The following RPS6KC1 variants were observed in gnomAD, a reference collection of about 807,000 sequenced individuals.
The protein encoded by RPS6KC1 is ribosomal protein S6 kinase C1.
In RPS6KC1, 54 loss-of-function variants were observed where a neutral mutation model predicts 103.8. The ratio of observed to expected loss-of-function variants is 0.52; its 90% CI spans 0.42 to 0.65. The LOEUF (loss-of-function observed/expected upper bound fraction) is 0.65, where lower values mean the gene tolerates loss of function less well. Among genes scored for constraint, RPS6KC1 ranks in the 30% least tolerant of loss-of-function variants. The pLI is 0.00. For missense variants in RPS6KC1, 1,151 were observed against 1,253.8 expected (o/e 0.92, Z 1.24); for synonymous variants, 439 against 438.7 (o/e 1.00, Z -0.01).
the RPS6KC1 span, among the ~76,000 whole-genome samples, chr1:213,289,692 C>T: frequency 1.3e-5 from 2 of 152,176 alleles, no homozygotes; most frequent in Non-Finnish European, 2.9e-5. Flanking sequence ...CTTCTATCTA[C>T]TCTATGAGGA....
the RPS6KC1 span, among the ~76,000 whole-genome samples, chr1:213,738,654 C>T: frequency 6.6e-6 from 1 of 151,656 alleles, no homozygotes. Context: ...AGCTGATGCA[C>T]AACAGAAATA....
chr1:213,587,675 T>C, the RPS6KC1 span, among the ~76,000 whole-genome samples: 2 of 152,204 alleles, frequency 1.3e-5, no homozygotes, highest in East Asian at 1.9e-4. Flanking sequence ...TATTCAAACA[T>C]TGGAATAAGG....
the RPS6KC1 span, among the ~76,000 whole-genome samples, chr1:213,856,404 T>C: frequency 6.6e-6 from 1 of 152,094 alleles, no homozygotes; most frequent in African/African-American, 2.4e-5. Flanking sequence ...ATTAGTTTCA[T>C]ATATTTTCTT....
chr1:213,136,357 C>T (rs545806226), intron 6 of RPS6KC1, among the ~76,000 whole-genome samples: 1 of 152,094 alleles, frequency 6.6e-6, no homozygotes, highest in South Asian at 2.1e-4. Flanking sequence ...TTGGTCATCC[C>T]TGGGAAGGTG....
the RPS6KC1 span, among the ~76,000 whole-genome samples, chr1:213,706,253 T>G: frequency 6.6e-6 from 1 of 152,176 alleles, no homozygotes; most frequent in Non-Finnish European, 1.5e-5. Context: ...TTGCAGAACT[T>G]AAGTTCTGAT....
At chr1:213,172,377 T>A (rs561418115) in intron 7 of RPS6KC1, among the ~76,000 whole-genome samples, 1 of 152,264 alleles carries the variant, frequency 6.6e-6, no homozygotes, top group Admixed American at 6.5e-5. Flanking sequence ...GTGGATCACT[T>A]GAGGCCAGGC....
chr1:213,526,882 T>C, the RPS6KC1 span, among the ~76,000 whole-genome samples: 1 of 152,216 alleles, frequency 6.6e-6, no homozygotes, highest in African/African-American at 2.4e-5. Flanking sequence ...TTTAAAACAA[T>C]ACTCCAGATT....
At chr1:213,760,230 G>A in the RPS6KC1 span, among the ~76,000 whole-genome samples, 2 of 152,122 alleles carry the variant, frequency 1.3e-5, no homozygotes, top group Non-Finnish European at 2.9e-5. Context: ...AATAACTCAG[G>A]AAGAAATCAC....
the RPS6KC1 span, among the ~76,000 whole-genome samples, chr1:213,410,834 T>TA: frequency 7.8e-6 from 1 of 128,972 alleles, no homozygotes; most frequent in Admixed American, 7.4e-5. Context: ...TTTTTTTTTT[T>TA]AAAAAAGGGA....
At chr1:213,741,170 T>C in the RPS6KC1 span, among the ~76,000 whole-genome samples, 96 of 151,592 alleles carry the variant, frequency 6.3e-4, no homozygotes, top group South Asian at 5.0e-3. Flanking sequence ...ACGTGGTGTT[T>C]TGCTATATGT....
intron 2 of RPS6KC1, among the ~76,000 whole-genome samples, chr1:213,076,187 C>T (rs867739845): frequency 6.6e-6 from 1 of 152,126 alleles, no homozygotes; most frequent in Admixed American, 6.5e-5. Context: ...CAGGGAACAT[C>T]AGGAGGAACA....
chr1:213,353,561 G>A, the RPS6KC1 span, among the ~76,000 whole-genome samples: 4 of 152,176 alleles, frequency 2.6e-5, no homozygotes, highest in African/African-American at 9.7e-5. Context: ...TGGGTCCAAG[G>A]TGTCTACTCA....
At chr1:213,652,094 A>G in the RPS6KC1 span, among the ~76,000 whole-genome samples, 1 of 152,190 alleles carries the variant, frequency 6.6e-6, no homozygotes, top group Non-Finnish European at 1.5e-5. Flanking sequence ...TAATTTTATA[A>G]TGTTAATTTA....
the RPS6KC1 span, among the ~76,000 whole-genome samples, chr1:213,684,960 T>G: frequency 6.6e-6 from 1 of 152,200 alleles, no homozygotes; most frequent in East Asian, 1.9e-4. Context: ...TTGAGCCAGT[T>G]CCCGAATGCC....
At chr1:213,340,664 C>T in the RPS6KC1 span, among the ~76,000 whole-genome samples, 263 of 152,372 alleles carry the variant, frequency 1.7e-3, 1 homozygote, top group Non-Finnish European at 1.1e-3. Flanking sequence ...AATGCTTCCT[C>T]TCCCCCGCCT....
chr1:213,492,784 A>G, the RPS6KC1 span, among the ~76,000 whole-genome samples: 1 of 152,194 alleles, frequency 6.6e-6, no homozygotes, highest in Admixed American at 6.5e-5. Context: ...ATGTTATTTT[A>G]AAGCTTGTAT....
chr1:213,680,808 G>T, the RPS6KC1 span, among the ~76,000 whole-genome samples: 1 of 151,848 alleles, frequency 6.6e-6, no homozygotes, highest in South Asian at 2.1e-4. Flanking sequence ...GATCTGCATG[G>T]GAAAAAACCA....
At chr1:213,538,772 GAGAT>G in the RPS6KC1 span, among the ~76,000 whole-genome samples, 5 of 152,240 alleles carry the variant, frequency 3.3e-5, no homozygotes, top group South Asian at 4.2e-4. Context: ...TTTACTGGGG[GAGAT>G]AGATAGACAT....
chr1:213,362,144 C>A, the RPS6KC1 span, among the ~76,000 whole-genome samples: 2 of 152,072 alleles, frequency 1.3e-5, no homozygotes, highest in African/African-American at 2.4e-5. Flanking sequence ...CTATTTGTAC[C>A]GAGGGAGAGG....
Sources: allele counts gnomAD v4.1 joint callset (sites outside exome capture counted in the v4.1 genomes callset), GRCh38; gene constraint gnomAD v4.1.1; transcripts MANE v1.5; gene names NCBI Gene and HGNC (gene_info 2026-07-23, HGNC 2026-07-21).